Variants in TTC17 observed in about 807,000 individuals in gnomAD.
The protein encoded by TTC17 is tetratricopeptide repeat domain 17.
TTC17 carries 58 observed loss-of-function variants against 143.8 expected under a neutral mutation model. The ratio of observed to expected loss-of-function variants is 0.40; its 90% CI spans 0.33 to 0.50. The LOEUF (loss-of-function observed/expected upper bound fraction) is 0.50. Among genes scored for constraint, TTC17 ranks in the 20% least tolerant of loss-of-function variants. The pLI is 0.49. For synonymous variants in TTC17, 501 were observed against 497.8 expected (o/e 1.01, Z -0.09); for missense variants, 1,273 against 1,392.5 (o/e 0.91, Z 1.37).
At chr11:43,457,916 G>A (rs1483389023) in intron 21 of TTC17, among the ~76,000 whole-genome samples, 1 of 152,078 alleles carries the variant, frequency 6.6e-6, no homozygotes, top group Non-Finnish European at 1.5e-5. Context: ...GGGCTAGAAT[G>A]TTCCAAAATG....
intron 21 of TTC17, 72 bp downstream of exon 21, chr11:43,451,337 A>G (rs1169965506): frequency 4.3e-6 from 6 of 1,406,914 alleles, no homozygotes; most frequent in Non-Finnish European, 6.0e-6. Context: ...ATTTGCTCCT[A>G]AGTGTCTGTA....
chr11:43,387,947 A>G (rs184381381), intron 2 of TTC17, among the ~76,000 whole-genome samples: 1 of 152,346 alleles, frequency 6.6e-6, no homozygotes, highest in East Asian at 1.9e-4. Context: ...GACAAAACCA[A>G]ACATTGCTAA....
chr11:43,474,346 G>C (rs900628418), intron 21 of TTC17, among the ~76,000 whole-genome samples: 1 of 152,136 alleles, frequency 6.6e-6, no homozygotes, highest in Non-Finnish European at 1.5e-5. Flanking sequence ...GATATATGTA[G>C]AGAAAAAGAT....
At chr11:43,469,781 G>A (rs1948058035) in intron 21 of TTC17, among the ~76,000 whole-genome samples, 1 of 152,168 alleles carries the variant, frequency 6.6e-6, no homozygotes, top group African/African-American at 2.4e-5. Flanking sequence ...GAAAGTGAAT[G>A]TTACACTTAG....
intron 7 of TTC17, 82 bp from the exon 8 acceptor site, chr11:43,397,890 ATT>A: frequency 1.3e-6 from 2 of 1,500,812 alleles, no homozygotes; most frequent in Non-Finnish European, 9.0e-7. Context: ...CGTGGCTAAC[ATT>A]TTTTTTTCCG....
chr11:43,398,230 T>G, intron 8 of TTC17, 117 bp downstream of exon 8: 1 of 1,278,890 alleles, frequency 7.8e-7, no homozygotes, highest in Non-Finnish European at 1.1e-6. Context: ...ACCTCTTCAC[T>G]ACTGCAAGTC....
intron 5 of TTC17, among the ~76,000 whole-genome samples, chr11:43,393,991 CAGAG>C (rs774989833): frequency 2.0e-5 from 3 of 152,310 alleles, no homozygotes; most frequent in South Asian, 2.1e-4. Flanking sequence ...TGCTTGAAGA[CAGAG>C]AGAGATCTGT....
chr11:43,457,880 C>T (rs568095500), intron 21 of TTC17, among the ~76,000 whole-genome samples: 8 of 151,978 alleles, frequency 5.3e-5, no homozygotes, highest in South Asian at 2.1e-4. Flanking sequence ...GTAACAGAAT[C>T]GGGCAGAAGT....
intron 2 of TTC17, among the ~76,000 whole-genome samples, chr11:43,386,711 T>C (rs1857183039): frequency 6.6e-6 from 1 of 152,190 alleles, no homozygotes; most frequent in Non-Finnish European, 1.5e-5. Flanking sequence ...ATATAACTCA[T>C]AGAGGATGAG....
chr11:43,392,357 CTTTCT>C (rs1384313020), intron 5 of TTC17, among the ~76,000 whole-genome samples: 3 of 152,034 alleles, frequency 2.0e-5, no homozygotes, highest in Admixed American at 1.3e-4. Context: ...TCTTCTGTAA[CTTTCT>C]TTTAAGAGAC....
At chr11:43,486,464 A>G in intron 21 of TTC17, 1 of 448,410 alleles carries the variant, frequency 2.2e-6, no homozygotes, top group Admixed American at 2.4e-5. Flanking sequence ...AGGAGGGACT[A>G]CTATACCATT....
intron 21 of TTC17, among the ~76,000 whole-genome samples, chr11:43,460,016 G>A (rs1317760627): frequency 6.6e-6 from 1 of 152,126 alleles, no homozygotes; most frequent in Non-Finnish European, 1.5e-5. Context: ...TTGTAAGTCA[G>A]GGAGCATCTG....
intron 21 of TTC17, among the ~76,000 whole-genome samples, chr11:43,471,219 G>A (rs1948086302): frequency 6.6e-6 from 1 of 152,170 alleles, no homozygotes; most frequent in African/African-American, 2.4e-5. Context: ...TTGTATGCCA[G>A]GTTACCACAT....
chr11:43,370,320 T>A (rs181080622), intron 1 of TTC17: 82 of 224,982 alleles, frequency 3.6e-4, no homozygotes, highest in African/African-American at 1.7e-3. Flanking sequence ...CAGAAGGGTC[T>A]CTTAGACAAT....
Position 43,405,908 on chromosome 11 carries a change from G to T in TTC17, c.1718G>T (p.Arg573Leu), listed in dbSNP as rs144292009. 2.5e-6 allele frequency: 4 copies of T among 1,613,592 alleles called. No homozygotes were observed. Among genetic ancestry groups the T allele is most frequent in the East Asian group, 2.2e-5 (1 of 44,886 alleles). Reference protein sequence around the residue: ...LSYLVKELEVRMDLKAKMPDD... With the variant: ...LSYLVKELEVLMDLKAKMPDD... ...TACTTAGTCAAAGAATTAGAGGTTCGCATGGATCTGAAAGCCAAAATGCCA... is the reference window on the plus strand; with the variant it reads ...TACTTAGTCAAAGAATTAGAGGTTCTCATGGATCTGAAAGCCAAAATGCCA... Residue 573 changes from arginine (R) to leucine (L), a missense_variant, in exon 13 of 24, where the codon CGC (arginine) becomes CTC (leucine). Physicochemically the swap from Arg to Leu is moderately radical, Grantham distance 102. This residue lies in a region of TTC17 where 878 missense variants were observed against 899.8 expected (regional missense o/e 0.98). Transcript: ENST00000039989.
At chr11:43,399,364 G>A (rs2134562032) in intron 8 of TTC17, among the ~76,000 whole-genome samples, 1 of 152,234 alleles carries the variant, frequency 6.6e-6, no homozygotes, top group South Asian at 2.1e-4. Context: ...TATACCATTT[G>A]ATGTCATGAT....
intron 21 of TTC17, among the ~76,000 whole-genome samples, chr11:43,464,258 C>A (rs1362222391): frequency 6.7e-6 from 1 of 148,722 alleles, no homozygotes; most frequent in African/African-American, 2.5e-5. Context: ...CCAGCTTGGG[C>A]GATAGAGTGA....
chr11:43,394,684 TGAGTTTGGAATTTCAGGGAAAGTTA>T (rs1168981660), intron 5 of TTC17, among the ~76,000 whole-genome samples: 4 of 152,148 alleles, frequency 2.6e-5, no homozygotes, highest in Non-Finnish European at 2.9e-5. Context: ...AATACCTATA[TGAGTTTGGAATTTCAGGGAAAGTTA>T]GAGTTGGGCA....
intron 16 of TTC17, among the ~76,000 whole-genome samples, chr11:43,442,775 TAGAA>T (rs1228896083): frequency 1.3e-5 from 2 of 152,170 alleles, no homozygotes; most frequent in Non-Finnish European, 2.9e-5. Flanking sequence ...GTAATCATTT[TAGAA>T]AGAAATTATT....
Sources: gnomAD v4.1 joint callset for allele counts (sites outside exome capture counted in the v4.1 genomes callset) on GRCh38, gnomAD v4.1.1 for gene constraint, gnomAD v4.1.1 regional missense constraint, MANE v1.5 for transcripts, NCBI Gene and HGNC (gene_info 2026-07-23, HGNC 2026-07-21) for gene names.